MGAT4D: variants seen among roughly 807,000 people sequenced by gnomAD.
MGAT4D encodes the protein MGAT4 family member D.
A neutral mutation model predicts 15.9 loss-of-function variants in MGAT4D; 34 were observed. The ratio of observed to expected loss-of-function variants is 2.14; its 90% CI spans 1.62 to 2.84. The LOEUF is 2.84. Ranked by LOEUF, MGAT4D falls within the 30% of genes most tolerant of loss-of-function variation. The pLI is 0.00. For synonymous variants in MGAT4D, 112 were observed against 48.2 expected (o/e 2.33, Z -5.49); for missense variants, 327 against 140.2 (o/e 2.33, Z -6.73).
At chr4:140,477,721 A>T (rs1732431598) in intron 3 of MGAT4D, among the ~76,000 whole-genome samples, 1 of 152,218 alleles carries the variant, frequency 6.6e-6, no homozygotes, top group Admixed American at 6.5e-5. Flanking sequence ...GGCTAACTTC[A>T]CCTCATGTGC....
chr4:140,468,828 G>A (rs547720363), intron 5 of MGAT4D, among the ~76,000 whole-genome samples: 1 of 151,958 alleles, frequency 6.6e-6, no homozygotes, highest in Admixed American at 6.6e-5. Context: ...CAACACAGGG[G>A]CTTACCTCCT....
chr4:140,446,837 A>T lies in MGAT4D; in HGVS notation c.1117-3393T>A, dbSNP rs1028056466. On this transcript the variant is annotated intron_variant, in intron 10 of 10. Coordinates refer to ENST00000511113, the MANE Select transcript of MGAT4D (RefSeq NM_001277353.2). ...ATCTTTCTAGCTTTTCGATTTGGGT[A>T]TATAGTGTTATAAATTTCCCTCTTA... Among the ~76,000 whole-genome samples the T allele has an allele frequency of 4.6e-5, 6 of 129,136 alleles. No homozygotes were observed. In the East Asian group the frequency reaches 1.5e-3, roughly 32 times the overall value. 84.7% of individuals were successfully genotyped at this position (129,136 alleles called of 152,430 possible).
intron 1 of MGAT4D, among the ~76,000 whole-genome samples, chr4:140,485,077 T>G (rs62346877): frequency 6.6e-6 from 1 of 150,972 alleles, no homozygotes; most frequent in Non-Finnish European, 1.5e-5. Context: ...TTATAAATCA[T>G]GCTGCTATAA....
chr4:140,446,743 G>GTTTTTTTTTTTTTT lies in MGAT4D; in HGVS notation c.1117-3313_1117-3300dup, dbSNP rs149442061. ...GAGCTGGTTTGCTTTTGCTTCTCTA[G>GTTTTTTTTTTTTTT]TTTTTTTTTTTTTTTTTTTTTTTTT... On this transcript the variant is annotated intron_variant, in intron 10 of 10. Coordinates refer to ENST00000511113, the MANE Select transcript of MGAT4D (RefSeq NM_001277353.2). Among the ~76,000 whole-genome samples the GTTTTTTTTTTTTTT allele has an allele frequency of 6.1e-4, 5 of 8,170 alleles. 1 individual carries two copies. Among genetic ancestry groups the GTTTTTTTTTTTTTT allele is most frequent in the Non-Finnish European group, 9.0e-4 (4 of 4,452 alleles). The allele number at this position is 8,170 out of a possible 152,430, so 5.4% of individuals were successfully genotyped here.
intron 1 of MGAT4D, among the ~76,000 whole-genome samples, chr4:140,492,178 A>G (rs941559684): frequency 6.6e-6 from 1 of 152,162 alleles, no homozygotes; most frequent in Non-Finnish European, 1.5e-5. Flanking sequence ...TGCTAAGACC[A>G]CAATGTTGTG....
At chr4:140,476,941 T>C (rs1418050540) in intron 3 of MGAT4D, among the ~76,000 whole-genome samples, 1 of 152,150 alleles carries the variant, frequency 6.6e-6, no homozygotes, top group Non-Finnish European at 1.5e-5. Flanking sequence ...TGTGCTTATA[T>C]TATAAATCCA....
intron 1 of MGAT4D, among the ~76,000 whole-genome samples, chr4:140,486,652 A>C (rs1423322895): frequency 6.6e-6 from 1 of 152,230 alleles, no homozygotes; most frequent in Non-Finnish European, 1.5e-5. Context: ...AGAACATTTT[A>C]CTACTAAATT....
At chr4:140,477,104 C>A (rs1344275390) in intron 3 of MGAT4D, among the ~76,000 whole-genome samples, 2 of 152,178 alleles carry the variant, frequency 1.3e-5, no homozygotes, top group African/African-American at 4.8e-5. Context: ...CACATCCTTT[C>A]TAGGCCTTCT....
chr4:140,482,429 G>T lies in MGAT4D; in HGVS notation c.151C>A (p.His51Asn), dbSNP rs1732802935. Residue 51 changes from histidine (H) to asparagine (N), a missense_variant, in exon 2 of 11, where the codon CAC (histidine) becomes AAC (asparagine). Transcript: ENST00000511113. ...TTTTTTTCAGTTTTGTTTCTTAAGT[G>T]TAGCATATTTTCTTTAAACTCCAAA... ...HILEFKENML[H>N]LRNKTEKNTQ... 1.6e-6 allele frequency: 1 copy of T among 637,016 alleles called. No homozygotes were observed. The highest frequency in any genetic ancestry group is 2.8e-6 in the Non-Finnish European group (1 of 359,792). The allele number at this position is 637,016 out of a possible 1,614,324, so 39.5% of individuals were successfully genotyped here.
chr4:140,485,810 TAAAAAAA>T (rs61131099), intron 1 of MGAT4D, among the ~76,000 whole-genome samples: 79 of 12,992 alleles, frequency 6.1e-3, no homozygotes, highest in East Asian at 0.011. Context: ...GACCCTGTCT[TAAAAAAA>T]AAAAAAAAAA....
chr4:140,486,764 T>C (rs1164114219), intron 1 of MGAT4D, among the ~76,000 whole-genome samples: 9 of 152,240 alleles, frequency 5.9e-5, no homozygotes, highest in African/African-American at 2.2e-4. Flanking sequence ...GAACTAATTT[T>C]AGTGATTCTT....
intron 9 of MGAT4D, among the ~76,000 whole-genome samples, chr4:140,455,459 T>C (rs1336409210): frequency 6.6e-6 from 1 of 152,236 alleles, no homozygotes; most frequent in African/African-American, 2.4e-5. Flanking sequence ...TTAAATTTGT[T>C]AAGCTTTGTT....
Position 140,453,237 on chromosome 4 carries a change from G to A in MGAT4D, c.1009-1720C>T, listed in dbSNP as rs183055757. ...AAAACTATTTTAGTAGATCTATTTCGTTTGTCTTCTCTTAAAAATTCTAGA... is the reference window on the plus strand; with the variant it reads ...AAAACTATTTTAGTAGATCTATTTCATTTGTCTTCTCTTAAAAATTCTAGA... On this transcript the variant is annotated intron_variant, in intron 9 of 10. Transcript: ENST00000511113. Among the ~76,000 whole-genome samples the A allele has an allele frequency of 8.6e-5, 13 of 151,918 alleles. No homozygotes were observed. In the East Asian group the frequency reaches 9.7e-4, roughly 11 times the overall value.
chr4:140,469,745 G>A (rs1025600476), intron 5 of MGAT4D, among the ~76,000 whole-genome samples: 1 of 152,156 alleles, frequency 6.6e-6, no homozygotes, highest in Non-Finnish European at 1.5e-5. Context: ...TGCATTCAGG[G>A]TTTTTTGTTT....
chr4:140,460,913 G>C (rs1355566496), intron 7 of MGAT4D, among the ~76,000 whole-genome samples: 1 of 152,178 alleles, frequency 6.6e-6, no homozygotes, highest in Non-Finnish European at 1.5e-5. Context: ...GATGAAAGGT[G>C]CCACGTTCTA....
chr4:140,476,675 A>G (rs1165382338), intron 3 of MGAT4D, among the ~76,000 whole-genome samples: 4 of 152,126 alleles, frequency 2.6e-5, no homozygotes, highest in Admixed American at 1.3e-4. Flanking sequence ...GAATTGACCA[A>G]ATACCACTCT....
chr4:140,459,066 T>C (rs1406537812), intron 8 of MGAT4D: 1 of 152,138 alleles, frequency 6.6e-6, no homozygotes, highest in East Asian at 1.9e-4. Context: ...GTGGGTATAA[T>C]TTTTATTATG....
At chr4:140,465,170 AT>A (rs764709210) in intron 5 of MGAT4D, among the ~76,000 whole-genome samples, 161 bp from the exon 6 acceptor site, 7 of 152,184 alleles carry the variant, frequency 4.6e-5, no homozygotes, top group African/African-American at 1.2e-4. Flanking sequence ...TAGCCAAAGC[AT>A]TTTTTTATAA....
In MGAT4D at chr4:140,479,532, T is replaced by C; in HGVS notation, c.349A>G (p.Arg117Gly). The change falls in exon 3 of 11, where the codon AGA (arginine) becomes GGA (glycine). Residue 117 changes from arginine (R) to glycine (G), a missense_variant. Physicochemically the swap from Arg to Gly is moderately radical, Grantham distance 125. Transcript: ENST00000511113. ...CCAATGATTACATCAGGATAAATTC[T>C]ACCTTCTTTCCTTAGATGAGGAAAA... ...FFFPHLRKEG[R>G]IYPDVIIGKG... The C allele has an allele frequency of 1.8e-6, 1 of 558,054 alleles. No individual in the cohort carries two copies. The allele number at this position is 558,054 out of a possible 1,614,324, so 34.6% of individuals were successfully genotyped here.
Sources: allele counts gnomAD v4.1 joint callset (sites outside exome capture counted in the v4.1 genomes callset), GRCh38; gene constraint gnomAD v4.1.1; transcripts MANE v1.5; gene names NCBI Gene and HGNC (gene_info 2026-07-23, HGNC 2026-07-21).